The following FLNB variants were observed in gnomAD, a reference collection of about 807,000 sequenced individuals.
The protein encoded by FLNB is filamin B, also known as filamin-B.
Under a neutral mutation model 250.6 loss-of-function variants are expected in FLNB, and 111 were observed. The observed-to-expected ratio is 0.44, with a 90% CI of 0.38 to 0.52. The LOEUF (loss-of-function observed/expected upper bound fraction) is 0.52. Ranked by LOEUF, FLNB falls within the 20% of genes least tolerant of loss-of-function variation. The probability of loss-of-function intolerance (pLI) is 0.00; values close to 1 mark genes in which losing one functional copy is unlikely to be tolerated. For synonymous variants in FLNB, 1,302 were observed against 1,372.1 expected (o/e 0.95, Z 1.13); for missense variants, 2,869 against 3,447.8 (o/e 0.83, Z 4.20).
chr3:58,015,028 A>G (rs994179004), intron 1 of FLNB, among the ~76,000 whole-genome samples: 2 of 152,148 alleles, frequency 1.3e-5, no homozygotes, highest in African/African-American at 4.8e-5. Context: ...GACCCAGCCA[A>G]CTTTGCTACA....
intron 1 of FLNB, among the ~76,000 whole-genome samples, chr3:58,074,575 A>G (rs1034733748): frequency 6.6e-6 from 1 of 152,252 alleles, no homozygotes; most frequent in Non-Finnish European, 1.5e-5. Context: ...GGAAGTGGGT[A>G]GTGAAAGCAA....
chr3:58,057,737 A>G (rs539990460), intron 1 of FLNB, among the ~76,000 whole-genome samples: 1 of 152,284 alleles, frequency 6.6e-6, no homozygotes, highest in South Asian at 2.1e-4. Context: ...GGTTGGTTAC[A>G]CTTACATTAT....
chr3:58,078,479 C>T (rs1235709365), intron 2 of FLNB: 1 of 1,536,158 alleles, frequency 6.5e-7, no homozygotes, highest in East Asian at 2.4e-5. Context: ...GGATAATCCC[C>T]ATCTTCATGC....
chr3:58,009,017 C>T (rs1398353728), intron 1 of FLNB, among the ~76,000 whole-genome samples, 161 bp downstream of exon 1: 1 of 152,168 alleles, frequency 6.6e-6, no homozygotes, highest in South Asian at 2.1e-4. Flanking sequence ...ACCCCCTCCC[C>T]GGTGTCTTCC....
chr3:58,010,046 G>T (rs951235269), intron 1 of FLNB, among the ~76,000 whole-genome samples: 3 of 151,212 alleles, frequency 2.0e-5, no homozygotes, highest in African/African-American at 7.3e-5. Flanking sequence ...CAAAGAGTTT[G>T]CATGTACACG....
chr3:58,024,149 G>C (rs1455901813), intron 1 of FLNB, among the ~76,000 whole-genome samples: 4 of 152,144 alleles, frequency 2.6e-5, no homozygotes, highest in Admixed American at 1.3e-4. Context: ...TCAGCCAGGA[G>C]GCAGAGGAGA....
rs139725835 is a variant in FLNB, at chr3:58,102,241, C to T, written c.1384C>T (p.Leu462=). The T allele has an allele frequency of 1.3e-5, 21 of 1,614,100 alleles. No individual in the cohort carries two copies. The highest frequency in any genetic ancestry group is 1.6e-5 in the Non-Finnish European group (19 of 1,180,022). Residue 462 remains leucine, a synonymous_variant, in exon 9 of 46, where the codon CTA becomes TTA. Coordinates refer to ENST00000295956, the MANE Select transcript of FLNB (RefSeq NM_001457.4). ...TGCCTGCCGGGCCAGTGGCCGAGGC[C>T]TACAACCCAAAGGCGTCCGTATCCG... The part of the protein sequence containing the change: ...PNACRASGRG[L]QPKGVRIRET...
intron 32 of FLNB, among the ~76,000 whole-genome samples, chr3:58,145,480 G>T (rs916923951): frequency 6.6e-6 from 1 of 152,148 alleles, no homozygotes; most frequent in African/African-American, 2.4e-5. Flanking sequence ...CTTACATAGG[G>T]CTAGGAGTCG....
intron 1 of FLNB, among the ~76,000 whole-genome samples, chr3:58,015,664 T>C (rs1162406995): frequency 6.6e-6 from 1 of 152,130 alleles, no homozygotes. Flanking sequence ...ACCTGGGGAC[T>C]TTGTTAAAAA....
intron 31 of FLNB, 60 bp from the exon 32 acceptor site, chr3:58,143,413 C>G: frequency 6.2e-7 from 1 of 1,601,074 alleles, no homozygotes; most frequent in Non-Finnish European, 8.6e-7. Flanking sequence ...GCCTTGGGCT[C>G]TGCTTCTCTG....
chr3:58,131,027 A>T (rs2097306511), intron 25 of FLNB, 119 bp downstream of exon 25: 5 of 974,928 alleles, frequency 5.1e-6, no homozygotes, highest in Non-Finnish European at 7.6e-6. Context: ...AATTAAAAAA[A>T]ATTATTGTTT....
rs1339758402 is a variant in FLNB, at chr3:58,164,892, C to G, written c.7198+1562C>G. ...GCAGAACCAGGAATCAGTCTACATC[C>G]GTGACCTCAGAGCCTATGCGCTGAA... On this transcript the variant is annotated intron_variant, in intron 43 of 45. Coordinates refer to ENST00000295956, the MANE Select transcript of FLNB (RefSeq NM_001457.4). This position sits in a 1 kb window ranked among gnomAD's most constrained non-coding sequence, Gnocchi z 4.0. The G allele has an allele frequency of 6.6e-6, 1 of 152,518 alleles. No homozygotes were observed. Among genetic ancestry groups the G allele is most frequent in the African/African-American group, 2.4e-5 (1 of 41,460 alleles). The allele number at this position is 152,518 out of a possible 1,614,324, so 9.4% of individuals were successfully genotyped here.
At chr3:58,039,059 G>T (rs1231892047) in intron 1 of FLNB, among the ~76,000 whole-genome samples, 2 of 145,398 alleles carry the variant, frequency 1.4e-5, no homozygotes, top group African/African-American at 5.1e-5. Context: ...ACAAGATCTC[G>T]CTCTGTCACC....
At chr3:58,096,294 GTTTTTCTTAA>G in intron 6 of FLNB, 76 bp downstream of exon 6, 1 of 1,045,778 alleles carries the variant, frequency 9.6e-7, no homozygotes, top group Non-Finnish European at 1.5e-6. Context: ...GAAGAAGAGT[GTTTTTCTTAA>G]GTGAATTTCT....
At chr3:58,103,082 G>A (rs1481860054) in intron 9 of FLNB, among the ~76,000 whole-genome samples, 2 of 152,174 alleles carry the variant, frequency 1.3e-5, no homozygotes, top group African/African-American at 2.4e-5. Context: ...TACCTTCTGT[G>A]TTCCCAACAG....
chr3:58,077,988 C>T (rs2097204038), intron 2 of FLNB, among the ~76,000 whole-genome samples: 1 of 152,054 alleles, frequency 6.6e-6, no homozygotes. Context: ...AGGTATTAAT[C>T]ATATTTTCCA....
intron 21 of FLNB, 96 bp from the exon 22 acceptor site, chr3:58,124,236 C>A: frequency 7.9e-7 from 1 of 1,267,398 alleles, no homozygotes; most frequent in Non-Finnish European, 1.2e-6. Context: ...TGAAATTGGA[C>A]TTCATGTGTC....
intron 1 of FLNB, among the ~76,000 whole-genome samples, chr3:58,021,176 C>T (rs978094172): frequency 6.6e-5 from 10 of 152,256 alleles, no homozygotes; most frequent in South Asian, 2.1e-4. Context: ...AGCAGGGGCC[C>T]GGCCTGGTGC....
chr3:58,033,758 T>G (rs548197980), intron 1 of FLNB, among the ~76,000 whole-genome samples: 2 of 152,362 alleles, frequency 1.3e-5, no homozygotes, highest in East Asian at 3.9e-4. Context: ...GTTGCATGTG[T>G]CAATAGTCCT....
Sources: allele counts gnomAD v4.1 joint callset (sites outside exome capture counted in the v4.1 genomes callset), GRCh38; gene constraint gnomAD v4.1.1; non-coding constraint Gnocchi (gnomAD v3.1); transcripts MANE v1.5; gene names NCBI Gene and HGNC (gene_info 2026-07-23, HGNC 2026-07-21).